Variants in NCAM2 observed in about 807,000 individuals in gnomAD.
NCAM2 encodes the protein N-CAM-2.
A neutral mutation model predicts 98.1 loss-of-function variants in NCAM2; 30 were observed. The observed-to-expected ratio is 0.31, with a 90% CI of 0.23 to 0.41. NCAM2 has a LOEUF of 0.41. NCAM2 is among the 10% of genes least tolerant of loss of function. NCAM2 has a pLI of 1.00. For missense variants in NCAM2, 867 were observed against 1,005.8 expected (o/e 0.86, Z 1.87); for synonymous variants, 368 against 342.4 (o/e 1.07, Z -0.83).
intron 1 of NCAM2, among the ~76,000 whole-genome samples, chr21:21,066,491 A>G (rs1020662426): frequency 3.3e-5 from 5 of 152,030 alleles, no homozygotes; most frequent in African/African-American, 4.8e-5. Context: ...TGCTTCTGCT[A>G]TTGTTATTGG....
chr21:21,447,650 C>A (rs1186563476), intron 12 of NCAM2, among the ~76,000 whole-genome samples: 1 of 151,894 alleles, frequency 6.6e-6, no homozygotes, highest in Non-Finnish European at 1.5e-5. Flanking sequence ...ACCCATCTGA[C>A]AAAAGTCTGA....
At chr21:21,183,490 C>A (rs1305022292) in intron 1 of NCAM2, among the ~76,000 whole-genome samples, 2 of 152,056 alleles carry the variant, frequency 1.3e-5, no homozygotes, top group Non-Finnish European at 2.9e-5. Context: ...GCAGCTAAAT[C>A]AGCTTTGGGA....
intron 12 of NCAM2, among the ~76,000 whole-genome samples, chr21:21,433,069 C>A (rs1396643588): frequency 2.0e-5 from 3 of 152,126 alleles, no homozygotes; most frequent in Admixed American, 6.5e-5. Flanking sequence ...AAAGAGGGAA[C>A]CAATTCTAGT....
intron 15 of NCAM2, among the ~76,000 whole-genome samples, chr21:21,483,256 A>G (rs1360300649): frequency 2.0e-5 from 3 of 152,072 alleles, no homozygotes; most frequent in Non-Finnish European, 2.9e-5. Context: ...ATTTGATGAC[A>G]ATAATTCTGT....
chr21:21,453,341 A>G (rs890530452), intron 12 of NCAM2, among the ~76,000 whole-genome samples: 1 of 151,598 alleles, frequency 6.6e-6, no homozygotes, highest in African/African-American at 2.4e-5. Context: ...ATACCTAGGG[A>G]AGCCTAGCCT....
At chr21:21,421,613 T>A (rs148172303) in intron 11 of NCAM2, among the ~76,000 whole-genome samples, 51 of 152,290 alleles carry the variant, frequency 3.3e-4, no homozygotes, top group Non-Finnish European at 5.4e-4. Flanking sequence ...TAGAAAACAA[T>A]CTGTCCTGCA....
rs182866958 is a variant in NCAM2, at chr21:21,449,943, G to A, written c.1655-16663G>A. Among the ~76,000 whole-genome samples the A allele has an allele frequency of 7.4e-3, 1,125 of 151,980 alleles. 18 individuals carry two copies. The highest frequency in any genetic ancestry group is 0.025 in the African/African-American group (1,021 of 41,482). On this transcript the variant is annotated intron_variant, in intron 12 of 17. Coordinates refer to ENST00000400546, the MANE Select transcript of NCAM2 (RefSeq NM_004540.5). The stretch of plus-strand genomic sequence containing the variant: ...TTCTTATTTTTAGCATCTTGTATTC[G>A]TTCTTTTTCTGTGTATCAGTGTCTG...
At chr21:21,372,705 A>C (rs1381183548) in intron 8 of NCAM2, among the ~76,000 whole-genome samples, 1 of 151,816 alleles carries the variant, frequency 6.6e-6, no homozygotes, top group East Asian at 1.9e-4. Flanking sequence ...TGAACCTGAG[A>C]ATGGCTTCTA....
chr21:21,108,944 G>T (rs527837180), intron 1 of NCAM2, among the ~76,000 whole-genome samples: 1 of 152,242 alleles, frequency 6.6e-6, no homozygotes, highest in East Asian at 1.9e-4. Context: ...TGTTCTGTGG[G>T]CAGGAGTCCA....
At chr21:21,311,594 G>A (rs2074056736) in intron 5 of NCAM2, among the ~76,000 whole-genome samples, 1 of 152,032 alleles carries the variant, frequency 6.6e-6, no homozygotes. Context: ...ACCCACCTCA[G>A]CCTCCCAAAG....
chr21:21,068,299 A>AT (rs2065484702), intron 1 of NCAM2, among the ~76,000 whole-genome samples: 1 of 149,704 alleles, frequency 6.7e-6, no homozygotes, highest in Admixed American at 6.7e-5. Context: ...TGCCTGGCTA[A>AT]TTTTTTGTAT....
intron 1 of NCAM2, among the ~76,000 whole-genome samples, chr21:21,149,082 A>G (rs868595530): frequency 1.3e-5 from 2 of 152,156 alleles, no homozygotes; most frequent in Admixed American, 6.6e-5. Context: ...CTGTATTTCT[A>G]TCATTATTCC....
chr21:21,100,253 T>C (rs534977210), intron 1 of NCAM2, among the ~76,000 whole-genome samples: 1 of 152,056 alleles, frequency 6.6e-6, no homozygotes, highest in East Asian at 1.9e-4. Context: ...CAAAGAAATC[T>C]ATGCATGAGG....
intron 5 of NCAM2, among the ~76,000 whole-genome samples, chr21:21,311,513 T>A (rs1017893814): frequency 6.6e-6 from 1 of 151,936 alleles, no homozygotes; most frequent in Non-Finnish European, 1.5e-5. Context: ...GCTAATTTTT[T>A]TGTATTTTTA....
In NCAM2 at chr21:21,338,404, T is replaced by C. The variant is rs1387302678; in HGVS notation, c.914T>C (p.Ile305Thr). Residue 305 changes from isoleucine (I) to threonine (T), a missense_variant, in exon 8 of 18, where the codon ATA (isoleucine) becomes ACA (threonine). Physicochemically the swap from Ile to Thr is moderately conservative, Grantham distance 89. Transcript: ENST00000400546. ...FLQVFVQPHI[I>T]QLKNETTYEN... ...TTCTTTACAGTACAGCCTCACATAATACAGCTTAAAAATGAAACTACATAT... is the reference window on the plus strand; with the variant it reads ...TTCTTTACAGTACAGCCTCACATAACACAGCTTAAAAATGAAACTACATAT... 2 of 1,611,242 alleles carry C rather than the reference T, an allele frequency of 1.2e-6. No homozygotes were observed. The highest frequency in any genetic ancestry group is 2.7e-5 in the African/African-American group (2 of 74,802).
At chr21:21,359,667 G>T (rs571906679) in intron 8 of NCAM2, among the ~76,000 whole-genome samples, 1 of 151,812 alleles carries the variant, frequency 6.6e-6, no homozygotes, top group Non-Finnish European at 1.5e-5. Context: ...TTTTAATAAG[G>T]CTTTGCAGCA....
chr21:21,140,715 C>T (rs557931383), intron 1 of NCAM2, among the ~76,000 whole-genome samples: 2 of 151,332 alleles, frequency 1.3e-5, no homozygotes, highest in South Asian at 2.1e-4. Flanking sequence ...TTGTTCAGAC[C>T]ACCATGAAGA....
chr21:21,155,022 T>A (rs1017343477), intron 1 of NCAM2, among the ~76,000 whole-genome samples: 21 of 151,160 alleles, frequency 1.4e-4, no homozygotes, highest in South Asian at 1.1e-3. Flanking sequence ...GTGGCAACAG[T>A]TTCATATTGA....
chr21:21,072,499 C>T (rs1401479982), intron 1 of NCAM2, among the ~76,000 whole-genome samples: 3 of 152,194 alleles, frequency 2.0e-5, no homozygotes, highest in East Asian at 3.9e-4. Flanking sequence ...GAAAAATGTT[C>T]AGTGGCATTG....
Sources: gnomAD v4.1 joint callset for allele counts (sites outside exome capture counted in the v4.1 genomes callset) on GRCh38, gnomAD v4.1.1 for gene constraint, MANE v1.5 for transcripts, NCBI Gene and HGNC (gene_info 2026-07-23, HGNC 2026-07-21) for gene names.